The following RPS6KA5 variants were observed in gnomAD, a reference collection of about 807,000 sequenced individuals.
The protein encoded by RPS6KA5 is ribosomal protein S6 kinase alpha-5.
Under a neutral mutation model 85.5 loss-of-function variants are expected in RPS6KA5, and 27 were observed. The observed-to-expected ratio is 0.32, with a 90% confidence interval of 0.23 to 0.44. The LOEUF (loss-of-function observed/expected upper bound fraction) is 0.44, where lower values mean the gene tolerates loss of function less well. RPS6KA5 is among the 20% of genes least tolerant of loss of function. The pLI, the probability that RPS6KA5 is intolerant of heterozygous loss-of-function variation, is 1.00. For synonymous variants in RPS6KA5, 334 were observed against 348.2 expected (o/e 0.96, Z 0.46); for missense variants, 811 against 980.9 (o/e 0.83, Z 2.31).
intron 3 of RPS6KA5, among the ~76,000 whole-genome samples, chr14:90,964,004 G>C (rs2038936845): frequency 6.6e-6 from 1 of 152,126 alleles, no homozygotes; most frequent in Non-Finnish European, 1.5e-5. Flanking sequence ...TCAAGTAAAT[G>C]GAAGTCACTG....
At chr14:91,030,611 G>GAAAAAAAA (rs58737573) in intron 1 of RPS6KA5, among the ~76,000 whole-genome samples, 12 of 22,070 alleles carry the variant, frequency 5.4e-4, no homozygotes, top group Admixed American at 8.5e-4. Context: ...AAAATAAACA[G>GAAAAAAAA]AAAAAAAAAA....
At position 90,871,719 on chromosome 14, in the gene RPS6KA5, G is replaced by A. The variant is rs1365112856; in HGVS notation, c.*355C>T. On this transcript the variant is annotated 3_prime_UTR_variant, in exon 17 of 17. Transcript: ENST00000614987. ...ACATTGTCCACAAGGCAAAGCAAAA[G>A]GTATCATCACAGTATGAGTCATTTC... 5.9e-6 allele frequency: 1 copy of A among 168,900 alleles called. No individual in the cohort carries two copies. Among genetic ancestry groups the A allele is most frequent in the Admixed American group, 5.9e-5 (1 of 17,006 alleles). 10.5% of individuals were successfully genotyped at this position (168,900 alleles called of 1,614,324 possible).
intron 5 of RPS6KA5, among the ~76,000 whole-genome samples, chr14:90,926,039 G>A (rs573543645): frequency 1.3e-5 from 2 of 151,798 alleles, no homozygotes; most frequent in African/African-American, 4.8e-5. Context: ...CAGACTAAAC[G>A]TATTAGACAC....
intron 3 of RPS6KA5, among the ~76,000 whole-genome samples, chr14:90,975,223 T>C (rs2039509816): frequency 6.6e-6 from 1 of 152,166 alleles, no homozygotes; most frequent in Non-Finnish European, 1.5e-5. Context: ...TACTTAGTCA[T>C]CAGACAAACT....
At chr14:90,953,234 T>A (rs2038306857) in intron 3 of RPS6KA5, among the ~76,000 whole-genome samples, 2 of 152,250 alleles carry the variant, frequency 1.3e-5, no homozygotes, top group South Asian at 4.1e-4. Flanking sequence ...TTCTTACACC[T>A]GTTTTTACTT....
chr14:90,914,268 T>G (rs1595199637), intron 7 of RPS6KA5, among the ~76,000 whole-genome samples: 1 of 151,146 alleles, frequency 6.6e-6, no homozygotes, highest in South Asian at 2.1e-4. Flanking sequence ...TGATGATGTT[T>G]CTGATGGACC....
intron 9 of RPS6KA5, among the ~76,000 whole-genome samples, chr14:90,900,992 C>G (rs1052077187): frequency 1.3e-5 from 2 of 152,194 alleles, no homozygotes; most frequent in African/African-American, 4.8e-5. Context: ...GACTTCTTCC[C>G]TATTCCACCC....
intron 3 of RPS6KA5, among the ~76,000 whole-genome samples, chr14:90,970,211 A>C (rs1416909703): frequency 1.3e-5 from 2 of 152,240 alleles, no homozygotes; most frequent in Non-Finnish European, 2.9e-5. Flanking sequence ...GTTCTGACTA[A>C]GAACATCTTA....
intron 6 of RPS6KA5, among the ~76,000 whole-genome samples, chr14:90,920,996 T>G (rs565780253): frequency 1.3e-5 from 2 of 152,264 alleles, no homozygotes; most frequent in Admixed American, 6.5e-5. Flanking sequence ...CCTCCCAAAG[T>G]GCTGGGATTA....
chr14:90,853,413 A>T lies in RPS6KA5; in HGVS notation c.*18661T>A, dbSNP rs563084236. 2 of 152,318 alleles carry T rather than the reference A, an allele frequency of 1.3e-5. No individual in the cohort carries two copies. The highest frequency in any genetic ancestry group is 4.8e-5 in the African/African-American group (2 of 41,592). The allele number at this position is 152,318 out of a possible 1,614,324, so 9.4% of individuals were successfully genotyped here. On this transcript the variant is annotated 3_prime_UTR_variant, in exon 17 of 17. Coordinates refer to ENST00000614987, the MANE Select transcript of RPS6KA5 (RefSeq NM_004755.4). Reference sequence around the variant, plus strand: ...CAATGAAGTGGCTAATAAAAAAGTAAGCATCACATTTATGATGTCTAGATA... The same window carrying T: ...CAATGAAGTGGCTAATAAAAAAGTATGCATCACATTTATGATGTCTAGATA...
At chr14:90,978,215 A>G (rs1482657299) in intron 3 of RPS6KA5, 91 bp downstream of exon 3, 1 of 876,898 alleles carries the variant, frequency 1.1e-6, no homozygotes, top group Non-Finnish European at 1.7e-6. Flanking sequence ...ACTTCTTCTA[A>G]GTCCATAGTA....
rs778900661 is a variant in RPS6KA5, at chr14:90,872,147, G to A, written c.2336C>T (p.Thr779Ile). The change falls in exon 17 of 17, where the codon ACA (threonine) becomes ATA (isoleucine). Residue 779 changes from threonine (T) to isoleucine (I), a missense_variant. Around this residue, in one of 3 missense-constraint regions of RPS6KA5, gnomAD observed 650 missense variants for 793.4 expected, o/e 0.82. Coordinates refer to ENST00000614987, the MANE Select transcript of RPS6KA5 (RefSeq NM_004755.4). ...HSHGKTTPTKTLQPSNPADSN... is the reference protein window; with the variant it reads ...HSHGKTTPTKILQPSNPADSN... ...GTCGGCAGGATTGCTGGGCTGCAGT[G>A]TCTTGGTGGGTGTAGTTTTACCGTG... 2.5e-5 allele frequency: 40 copies of A among 1,613,912 alleles called. No homozygotes were observed. The highest frequency in any genetic ancestry group is 1.6e-4 in the Middle Eastern group (1 of 6,082).
chr14:90,901,368 A>C (rs1314807887), intron 9 of RPS6KA5, among the ~76,000 whole-genome samples: 1 of 152,214 alleles, frequency 6.6e-6, no homozygotes, highest in Non-Finnish European at 1.5e-5. Context: ...CTGAGCCACC[A>C]GACCCAGCCA....
At chr14:91,021,230 T>A (rs1201013780) in intron 1 of RPS6KA5, among the ~76,000 whole-genome samples, 1 of 152,204 alleles carries the variant, frequency 6.6e-6, no homozygotes, top group Non-Finnish European at 1.5e-5. Flanking sequence ...ACTCTTCCAC[T>A]TCTTCCAAGT....
Position 90,900,233 on chromosome 14 carries a change from T to C in RPS6KA5, c.1254A>G (p.Pro418=). The C allele has an allele frequency of 6.3e-7, 1 of 1,581,276 alleles. No homozygotes were observed. The highest frequency in any genetic ancestry group is 8.6e-7 in the Non-Finnish European group (1 of 1,164,012). The part of the protein sequence containing the change: ...VARSAMMKDS[P]FYQHYDLDLK... The stretch of plus-strand genomic sequence containing the variant: ...AATCTAGGTCATAGTGTTGATAGAA[T>C]GGAGAGTCCTGTCAAGAAATCAACA... The change falls in exon 11 of 17, where the codon CCA becomes CCG. Residue 418 remains proline, a synonymous_variant. Coordinates refer to ENST00000614987, the MANE Select transcript of RPS6KA5 (RefSeq NM_004755.4).
At chr14:90,953,749 TG>T (rs1291173875) in intron 3 of RPS6KA5, among the ~76,000 whole-genome samples, 1 of 152,196 alleles carries the variant, frequency 6.6e-6, no homozygotes, top group African/African-American at 2.4e-5. Context: ...AAATACGCCC[TG>T]GTCTCCTGCA....
intron 7 of RPS6KA5, among the ~76,000 whole-genome samples, chr14:90,916,892 T>G (rs946528936): frequency 2.2e-4 from 34 of 152,218 alleles, no homozygotes; most frequent in African/African-American, 7.7e-4. Flanking sequence ...TAAAAGCAAT[T>G]TAAATGTGAA....
intron 3 of RPS6KA5, among the ~76,000 whole-genome samples, chr14:90,961,441 A>G (rs1193289815): frequency 6.6e-6 from 1 of 152,164 alleles, no homozygotes; most frequent in Non-Finnish European, 1.5e-5. Context: ...GCTTTTGAGG[A>G]GCAGCCTCAT....
At chr14:90,876,658 T>C (rs150931863) in intron 14 of RPS6KA5, among the ~76,000 whole-genome samples, 1 of 152,148 alleles carries the variant, frequency 6.6e-6, no homozygotes, top group Admixed American at 6.5e-5. Flanking sequence ...GTTAAGTAGC[T>C]GTGTCTGGGT....
Sources: gnomAD v4.1 joint callset for allele counts (sites outside exome capture counted in the v4.1 genomes callset) on GRCh38, gnomAD v4.1.1 for gene constraint, gnomAD v4.1.1 regional missense constraint, MANE v1.5 for transcripts, NCBI Gene and HGNC (gene_info 2026-07-23, HGNC 2026-07-21) for gene names.